Variants in TEAD1 observed in about 807,000 individuals in gnomAD.
The protein encoded by TEAD1 is TEA domain transcription factor 1, also known as transcriptional enhancer factor TEF-1.
In TEAD1, 9 loss-of-function variants were observed where a neutral mutation model predicts 54.9. The observed-to-expected ratio is 0.16, with a 90% CI of 0.10 to 0.29. The LOEUF (loss-of-function observed/expected upper bound fraction) is 0.29, where lower values mean the gene tolerates loss of function less well. TEAD1 is among the 10% of genes least tolerant of loss of function. The pLI is 1.00. For missense variants in TEAD1, 387 were observed against 535.9 expected, an observed-to-expected ratio of 0.72 and a Z score of 2.74; for synonymous variants, 200 against 187.8, an observed-to-expected ratio of 1.07 and a Z score of -0.53.
chr11:12,705,489 G>C (rs1943795075), intron 2 of TEAD1, among the ~76,000 whole-genome samples: 1 of 152,114 alleles, frequency 6.6e-6, no homozygotes, highest in Non-Finnish European at 1.5e-5. Context: ...TGTGGGTGTG[G>C]CACCTGTCAC....
intron 2 of TEAD1, among the ~76,000 whole-genome samples, chr11:12,678,586 G>A (rs1045902051): frequency 6.6e-6 from 1 of 152,184 alleles, no homozygotes; most frequent in Admixed American, 6.5e-5. Context: ...ATTCATGGTT[G>A]AGCTTTTTGA....
intron 2 of TEAD1, among the ~76,000 whole-genome samples, chr11:12,707,350 C>G (rs1943839797): frequency 6.6e-6 from 1 of 152,018 alleles, no homozygotes; most frequent in African/African-American, 2.4e-5. Flanking sequence ...CAAGATCTCC[C>G]CACCCAAGGA....
At chr11:12,880,928 G>A in intron 6 of TEAD1, 77 bp from the exon 7 acceptor site, 6 of 1,516,848 alleles carry the variant, frequency 4.0e-6, no homozygotes, top group Middle Eastern at 1.7e-4. Flanking sequence ...TTTAGCAGGG[G>A]TTGTGATGCG....
At chr11:12,890,100 T>C (rs540316194) in intron 9 of TEAD1, among the ~76,000 whole-genome samples, 1 of 152,334 alleles carries the variant, frequency 6.6e-6, no homozygotes, top group African/African-American at 2.4e-5. Context: ...CTGAGCATTA[T>C]GTCCAGTCTG....
chr11:12,689,826 G>A (rs1477215589), intron 2 of TEAD1, among the ~76,000 whole-genome samples: 1 of 151,836 alleles, frequency 6.6e-6, no homozygotes, highest in Admixed American at 6.6e-5. Flanking sequence ...CAGATTATTT[G>A]GAAGCAATCC....
chr11:12,744,039 C>T (rs1301337558), intron 2 of TEAD1, among the ~76,000 whole-genome samples: 4 of 152,182 alleles, frequency 2.6e-5, no homozygotes, highest in Admixed American at 2.6e-4. Context: ...GGCAGGTGTT[C>T]AGAGGTGTTG....
At chr11:12,709,494 C>A (rs1236085423) in intron 2 of TEAD1, among the ~76,000 whole-genome samples, 1 of 152,030 alleles carries the variant, frequency 6.6e-6, no homozygotes, top group East Asian at 1.9e-4. Context: ...CCTGTCTCAA[C>A]TTCCTGAGTA....
intron 3 of TEAD1, among the ~76,000 whole-genome samples, chr11:12,767,873 A>G (rs908062561): frequency 3.3e-5 from 5 of 152,136 alleles, no homozygotes; most frequent in Admixed American, 1.3e-4. Flanking sequence ...TTACACAGCT[A>G]CGTGTGACTC....
chr11:12,799,164 C>T (rs919210703), intron 3 of TEAD1, among the ~76,000 whole-genome samples: 4 of 152,164 alleles, frequency 2.6e-5, no homozygotes, highest in African/African-American at 9.7e-5. Flanking sequence ...TACCTGTCTA[C>T]CAAATTAGAA....
intron 3 of TEAD1, among the ~76,000 whole-genome samples, chr11:12,768,779 T>C (rs539983955): frequency 1.3e-5 from 2 of 152,336 alleles, no homozygotes; most frequent in Admixed American, 1.3e-4. Context: ...CTCATGGAGC[T>C]ATCTCAAGTT....
chr11:12,760,274 T>C (rs892816680), intron 2 of TEAD1, among the ~76,000 whole-genome samples: 8 of 152,364 alleles, frequency 5.3e-5, no homozygotes, highest in Non-Finnish European at 8.8e-5. Context: ...CCCAGTAGAA[T>C]AGAGTCCCTC....
At chr11:12,873,308 C>T (rs1459340098) in intron 5 of TEAD1, among the ~76,000 whole-genome samples, 4 of 152,152 alleles carry the variant, frequency 2.6e-5, no homozygotes, top group Non-Finnish European at 2.9e-5. Context: ...CACCTGGATC[C>T]GGCAGGAAGC....
intron 2 of TEAD1, among the ~76,000 whole-genome samples, chr11:12,703,972 G>A (rs1240279467): frequency 6.6e-6 from 1 of 152,204 alleles, no homozygotes; most frequent in Non-Finnish European, 1.5e-5. Flanking sequence ...TTCCCTAGAA[G>A]CAGAATGGCC....
intron 7 of TEAD1, among the ~76,000 whole-genome samples, chr11:12,881,586 C>T (rs567928443): frequency 6.6e-6 from 1 of 152,338 alleles, no homozygotes; most frequent in East Asian, 1.9e-4. Context: ...GCATGTCCCA[C>T]ACTTTGCCTA....
intron 10 of TEAD1, among the ~76,000 whole-genome samples, chr11:12,905,310 A>T (rs1589977050): frequency 6.6e-6 from 1 of 152,292 alleles, no homozygotes; most frequent in Admixed American, 6.5e-5. Context: ...TAGATTGCAG[A>T]TGTTTAGAGT....
intron 2 of TEAD1, among the ~76,000 whole-genome samples, chr11:12,744,251 G>T: frequency 6.6e-6 from 1 of 152,198 alleles, no homozygotes. Flanking sequence ...GAGGTCCCCA[G>T]TCTATCGGTG....
chr11:12,724,915 A>C (rs999753854), intron 2 of TEAD1, among the ~76,000 whole-genome samples: 1 of 152,068 alleles, frequency 6.6e-6, no homozygotes, highest in African/African-American at 2.4e-5. Context: ...CTGCTCCCTA[A>C]CCTTGATCCT....
At chr11:12,889,382 C>T (rs912491506) in intron 9 of TEAD1, among the ~76,000 whole-genome samples, 1 of 52,896 alleles carries the variant, frequency 1.9e-5, no homozygotes, top group African/African-American at 8.3e-5. Flanking sequence ...TTCTGGGGCA[C>T]GGCGGGTTCC....
At chr11:12,716,752 A>G (rs777543639) in intron 2 of TEAD1, among the ~76,000 whole-genome samples, 51 of 152,180 alleles carry the variant, frequency 3.4e-4, no homozygotes, top group Non-Finnish European at 5.6e-4. Context: ...TTGTTTTTCA[A>G]CCATTAAGGA....
Sources: gnomAD v4.1 joint callset for allele counts (sites outside exome capture counted in the v4.1 genomes callset) on GRCh38, gnomAD v4.1.1 for gene constraint, MANE v1.5 for transcripts, NCBI Gene and HGNC (gene_info 2026-07-23, HGNC 2026-07-21) for gene names.